PDE1A: variants seen among roughly 807,000 people sequenced by gnomAD.
The protein encoded by PDE1A is dual specificity calcium/calmodulin-dependent 3',5'-cyclic nucleotide phosphodiesterase 1A.
In PDE1A, 35 loss-of-function variants were observed where a neutral mutation model predicts 61.7. The observed-to-expected ratio is 0.57, with a 90% CI of 0.43 to 0.75. PDE1A has a LOEUF of 0.75. Ranked by LOEUF, PDE1A falls within the 30% of genes least tolerant of loss-of-function variation. The probability of loss-of-function intolerance (pLI) is 0.00; values close to 1 mark genes in which losing one functional copy is unlikely to be tolerated. For synonymous variants in PDE1A, 232 were observed against 213.2 expected, an observed-to-expected ratio of 1.09 and a Z score of -0.77; for missense variants, 597 against 630.6, an observed-to-expected ratio of 0.95 and a Z score of 0.57.
At chr2:182,308,302 G>T (rs1169817688) in intron 1 of PDE1A, among the ~76,000 whole-genome samples, 1 of 152,100 alleles carries the variant, frequency 6.6e-6, no homozygotes, top group Non-Finnish European at 1.5e-5. Context: ...CAATATAAGA[G>T]AAATTGCTTT....
chr2:182,182,455 G>A (rs1286897861), intron 13 of PDE1A, among the ~76,000 whole-genome samples: 2 of 152,054 alleles, frequency 1.3e-5, no homozygotes, highest in Admixed American at 1.3e-4. Context: ...GCTCCCATGT[G>A]TCTCCTGGGT....
the PDE1A span, among the ~76,000 whole-genome samples, chr2:182,543,146 C>T: frequency 6.6e-6 from 1 of 152,014 alleles, no homozygotes; most frequent in African/African-American, 2.4e-5. Flanking sequence ...ATGCTTTATA[C>T]CTGCACTATA....
chr2:182,515,092 A>T (rs1690049652), intron 2 of PDE1A, among the ~76,000 whole-genome samples: 1 of 152,128 alleles, frequency 6.6e-6, no homozygotes, highest in South Asian at 2.1e-4. Flanking sequence ...ATTCATTAGC[A>T]CTTCCTCTCA....
intron 2 of PDE1A, among the ~76,000 whole-genome samples, chr2:182,258,382 A>G (rs578085116): frequency 1.3e-5 from 2 of 152,336 alleles, no homozygotes; most frequent in South Asian, 4.1e-4. Context: ...GTCTGAAGCC[A>G]GAGAGCTGGC....
At chr2:182,395,155 T>C (rs1336550110) in intron 1 of PDE1A, among the ~76,000 whole-genome samples, 1 of 152,230 alleles carries the variant, frequency 6.6e-6, no homozygotes, top group East Asian at 1.9e-4. Context: ...AATGCCTTTT[T>C]CTCCATTCCT....
At chr2:182,332,907 C>A (rs1259684789) in intron 1 of PDE1A, among the ~76,000 whole-genome samples, 1 of 151,302 alleles carries the variant, frequency 6.6e-6, no homozygotes. Context: ...GAAAGCAAGA[C>A]AAAAAAAAGC....
At chr2:182,447,577 C>G (rs1266855003) in intron 2 of PDE1A, among the ~76,000 whole-genome samples, 3 of 152,042 alleles carry the variant, frequency 2.0e-5, no homozygotes, top group African/African-American at 7.2e-5. Context: ...ACTAAGGGAT[C>G]CCTTCTATAA....
the PDE1A span, among the ~76,000 whole-genome samples, chr2:182,610,689 T>G: frequency 6.6e-6 from 1 of 152,012 alleles, no homozygotes; most frequent in South Asian, 2.1e-4. Flanking sequence ...ATAAAAAGTA[T>G]GTCAGACAAA....
At chr2:182,514,572 G>C (rs774267105) in intron 2 of PDE1A, among the ~76,000 whole-genome samples, 1 of 152,082 alleles carries the variant, frequency 6.6e-6, no homozygotes, top group Non-Finnish European at 1.5e-5. Flanking sequence ...ATGAAGAAAG[G>C]ACTCCCTATT....
chr2:182,167,409 G>C (rs1691706332), downstream of PDE1A, among the ~76,000 whole-genome samples: 1 of 152,076 alleles, frequency 6.6e-6, no homozygotes, highest in Admixed American at 6.6e-5. Context: ...TTAAAAGAAA[G>C]AGCCAAATTC....
At chr2:182,539,421 G>T in the PDE1A span, among the ~76,000 whole-genome samples, 3 of 152,112 alleles carry the variant, frequency 2.0e-5, no homozygotes, top group Non-Finnish European at 4.4e-5. Context: ...TGAGCTTTCA[G>T]AGACAGCCCA....
chr2:182,416,129 C>A (rs1702901684), intron 1 of PDE1A, among the ~76,000 whole-genome samples: 1 of 152,036 alleles, frequency 6.6e-6, no homozygotes, highest in African/African-American at 2.4e-5. Flanking sequence ...AATGTGCAAG[C>A]AAATAGTATA....
At position 182,436,596 on chromosome 2, in the gene PDE1A, T is replaced by C. The variant is rs985623394; in HGVS notation, c.101+85680A>G. Among the ~76,000 whole-genome samples, 4 of 152,002 alleles carry C rather than the reference T, an allele frequency of 2.6e-5. No homozygotes were observed. In the East Asian group the frequency reaches 5.8e-4, roughly 22 times the overall value. On this transcript the variant is annotated intron_variant, in intron 2 of 14. Coordinates refer to the PDE1A transcript ENST00000410103. ...ACTAGAAAATAATAATTTTCCCTCA[T>C]CTGCTCTTTACATGACCCAATGGAA...
At chr2:182,364,499 A>AAAAAAAAAAAAAAAT (rs1699724599) in intron 1 of PDE1A, among the ~76,000 whole-genome samples, 1 of 145,752 alleles carries the variant, frequency 6.9e-6, no homozygotes, top group African/African-American at 2.5e-5. Context: ...AAAAAAAAAA[A>AAAAAAAAAAAAAAAT]CCTTATTCTG....
intron 3 of PDE1A, among the ~76,000 whole-genome samples, chr2:182,239,345 T>C (rs916835852): frequency 6.6e-6 from 1 of 152,218 alleles, no homozygotes; most frequent in African/African-American, 2.4e-5. Context: ...TAATTTCATG[T>C]AATTATTTTT....
chr2:182,236,666 A>C (rs1293594119), intron 3 of PDE1A, among the ~76,000 whole-genome samples: 1 of 152,148 alleles, frequency 6.6e-6, no homozygotes, highest in African/African-American at 2.4e-5. Context: ...TTCTCAGTAC[A>C]AGTAAGCCAT....
chr2:182,680,910 T>C, the PDE1A span, among the ~76,000 whole-genome samples: 5 of 152,208 alleles, frequency 3.3e-5, no homozygotes, highest in Non-Finnish European at 7.3e-5. Context: ...TTATACCTAC[T>C]TTCAATTACA....
intron 1 of PDE1A, among the ~76,000 whole-genome samples, chr2:182,384,506 G>A (rs1027020751): frequency 2.7e-5 from 4 of 147,692 alleles, no homozygotes; most frequent in African/African-American, 1.0e-4. Flanking sequence ...AAATCCAGGA[G>A]CTGAAAAATA....
At chr2:182,354,165 T>A (rs986330697) in intron 1 of PDE1A, among the ~76,000 whole-genome samples, 10 of 152,102 alleles carry the variant, frequency 6.6e-5, no homozygotes, top group Admixed American at 6.6e-4. Context: ...TAAATTATGT[T>A]TTTTAGTCCA....
Sources: gnomAD v4.1 joint callset for allele counts (sites outside exome capture counted in the v4.1 genomes callset) on GRCh38, gnomAD v4.1.1 for gene constraint, MANE v1.5 for transcripts, NCBI Gene and HGNC (gene_info 2026-07-23, HGNC 2026-07-21) for gene names.